Variants in ZFAND3 observed in about 807,000 individuals in gnomAD.
ZFAND3 encodes the protein zinc finger AN1-type containing 3, also known as AN1-type zinc finger protein 3.
A neutral mutation model predicts 29.6 loss-of-function variants in ZFAND3; 10 were observed. The ratio of observed to expected loss-of-function variants is 0.34; its 90% CI spans 0.21 to 0.57. The LOEUF is 0.57. ZFAND3 is among the 20% of genes least tolerant of loss of function. The pLI is 0.86. For synonymous variants in ZFAND3, 128 were observed against 112.6 expected (o/e 1.14, Z -0.87); for missense variants, 230 against 304.5 (o/e 0.76, Z 1.82).
chr6:37,902,488 T>G (rs1765336475), intron 1 of ZFAND3, among the ~76,000 whole-genome samples: 1 of 151,954 alleles, frequency 6.6e-6, no homozygotes, highest in Non-Finnish European at 1.5e-5. Context: ...AGACCCTGTC[T>G]CAAAACACCA....
chr6:38,058,446 A>G (rs553664848), intron 2 of ZFAND3, among the ~76,000 whole-genome samples: 1 of 152,390 alleles, frequency 6.6e-6, no homozygotes. Context: ...AAGGTGCTAT[A>G]CAAATAACAC....
At chr6:37,933,728 A>G (rs918295059) in intron 2 of ZFAND3, among the ~76,000 whole-genome samples, 1 of 152,040 alleles carries the variant, frequency 6.6e-6, no homozygotes, top group Non-Finnish European at 1.5e-5. Context: ...GCTCAACCAA[A>G]ATTCCTCTCT....
chr6:37,858,469 G>C (rs1357042336), intron 1 of ZFAND3, among the ~76,000 whole-genome samples: 2 of 152,204 alleles, frequency 1.3e-5, no homozygotes, highest in Non-Finnish European at 2.9e-5. Context: ...TGGAGTAATA[G>C]AGCTTTGAAA....
intron 1 of ZFAND3, among the ~76,000 whole-genome samples, chr6:37,884,719 A>G (rs1371167356): frequency 8.4e-6 from 1 of 118,450 alleles, no homozygotes; most frequent in Non-Finnish European, 1.7e-5. Context: ...TTGTAGGGTC[A>G]TTCCAGGTAT....
chr6:37,982,207 C>CT (rs200719187), intron 2 of ZFAND3, among the ~76,000 whole-genome samples: 9,719 of 140,408 alleles, frequency 0.069, 403 homozygotes, highest in Middle Eastern at 0.11. Context: ...AGGTATGTAG[C>CT]TTTTTTTTTT....
chr6:37,883,702 T>G (rs1764938217), intron 1 of ZFAND3, among the ~76,000 whole-genome samples: 1 of 144,508 alleles, frequency 6.9e-6, no homozygotes, highest in Non-Finnish European at 1.5e-5. Context: ...CCACCATGCC[T>G]GGCTAATTTT....
At chr6:37,965,955 G>A (rs749855574) in intron 2 of ZFAND3, among the ~76,000 whole-genome samples, 5 of 152,062 alleles carry the variant, frequency 3.3e-5, no homozygotes, top group Non-Finnish European at 5.9e-5. Flanking sequence ...TAGAGATGGG[G>A]TTTTGCCATG....
At chr6:37,980,214 GTCTGTTTTTA>G (rs1229994177) in intron 2 of ZFAND3, among the ~76,000 whole-genome samples, 7 of 144,536 alleles carry the variant, frequency 4.8e-5, no homozygotes, top group African/African-American at 1.8e-4. Flanking sequence ...TGTAATTTTT[GTCTGTTTTTA>G]TTTGTTTTTG....
chr6:37,873,582 A>G (rs1369452081), intron 1 of ZFAND3, among the ~76,000 whole-genome samples: 1 of 152,242 alleles, frequency 6.6e-6, no homozygotes, highest in Non-Finnish European at 1.5e-5. Context: ...GTCCAGGGAT[A>G]TGTAAATTGT....
At chr6:37,863,061 CA>C (rs779761675) in intron 1 of ZFAND3, among the ~76,000 whole-genome samples, 1 of 152,176 alleles carries the variant, frequency 6.6e-6, no homozygotes, top group Non-Finnish European at 1.5e-5. Flanking sequence ...CTGTGGTTGG[CA>C]GGTCTTGTCA....
At chr6:37,977,926 G>GTTCTTCCTTTCTTCCT (rs371426504) in intron 2 of ZFAND3, among the ~76,000 whole-genome samples, 35 of 106,966 alleles carry the variant, frequency 3.3e-4, no homozygotes, top group East Asian at 5.0e-4. Flanking sequence ...CCTTTCTTCC[G>GTTCTTCCTTTCTTCCT]TTCTTCCTTT....
At chr6:37,973,647 C>T (rs1270167311) in intron 2 of ZFAND3, among the ~76,000 whole-genome samples, 1 of 152,198 alleles carries the variant, frequency 6.6e-6, no homozygotes, top group Non-Finnish European at 1.5e-5. Context: ...TAGCACAGCT[C>T]TGAAGCATTA....
intron 2 of ZFAND3, among the ~76,000 whole-genome samples, chr6:37,952,789 C>T (rs1762020626): frequency 6.6e-6 from 1 of 151,840 alleles, no homozygotes; most frequent in Admixed American, 6.6e-5. Flanking sequence ...TCAGCAGCCC[C>T]ATGCAGGGTT....
chr6:37,985,522 CA>C (rs1203122277), intron 2 of ZFAND3, among the ~76,000 whole-genome samples: 6 of 148,760 alleles, frequency 4.0e-5, no homozygotes, highest in Non-Finnish European at 7.4e-5. Context: ...CACACACACA[CA>C]CACACCCCCA....
intron 1 of ZFAND3, among the ~76,000 whole-genome samples, chr6:37,834,811 A>C (rs1441934480): frequency 2.0e-5 from 3 of 151,196 alleles, no homozygotes; most frequent in African/African-American, 7.3e-5. Flanking sequence ...ATATGCTCAT[A>C]TGCATATATC....
intron 2 of ZFAND3, among the ~76,000 whole-genome samples, chr6:38,060,230 C>T (rs1764208472): frequency 6.6e-6 from 1 of 152,064 alleles, no homozygotes; most frequent in Non-Finnish European, 1.5e-5. Context: ...TACTAAGGGA[C>T]GACAGTATTT....
intron 2 of ZFAND3, among the ~76,000 whole-genome samples, chr6:38,045,423 A>G: frequency 6.6e-6 from 1 of 152,114 alleles, no homozygotes; most frequent in East Asian, 1.9e-4. Context: ...ATTAGTTGAT[A>G]TTTCTTATGC....
chr6:38,120,248 T>C (rs73421842), intron 5 of ZFAND3, among the ~76,000 whole-genome samples: 10,332 of 149,026 alleles, frequency 0.069, 421 homozygotes, highest in Non-Finnish European at 0.088. Flanking sequence ...TCATCAAATC[T>C]GGGCCACGTC....
intron 1 of ZFAND3, among the ~76,000 whole-genome samples, chr6:37,924,519 A>G (rs1011475722): frequency 1.3e-5 from 2 of 152,168 alleles, no homozygotes; most frequent in East Asian, 3.9e-4. Context: ...AGAAGAAAAC[A>G]GGAAGAGGAA....
Sources: allele counts gnomAD v4.1 joint callset (sites outside exome capture counted in the v4.1 genomes callset), GRCh38; gene constraint gnomAD v4.1.1; transcripts MANE v1.5; gene names NCBI Gene and HGNC (gene_info 2026-07-23, HGNC 2026-07-21).